The following IL1RAPL2 variants were observed in gnomAD, a reference collection of about 807,000 sequenced individuals.
IL1RAPL2 encodes interleukin 1 receptor accessory protein like 2.
Under a neutral mutation model 44.1 loss-of-function variants are expected in IL1RAPL2, and 3 were observed. That is an observed-to-expected ratio of 0.07 (90% confidence interval 0.03 to 0.18). The LOEUF (loss-of-function observed/expected upper bound fraction) is 0.18. IL1RAPL2 is among the 10% of genes least tolerant of loss of function. The pLI is 1.00. For synonymous variants in IL1RAPL2, 181 were observed against 178.8 expected (o/e 1.01, Z -0.10); for missense variants, 391 against 496.4 (o/e 0.79, Z 2.02).
chrX:105,399,012 G>A (rs779008863), intron 5 of IL1RAPL2, among the ~76,000 whole-genome samples: 3 of 111,888 alleles, frequency 2.7e-5, no homozygotes, highest in South Asian at 3.7e-4. Flanking sequence ...ATGGGTTCTT[G>A]TCTAAGTCTG....
intron 2 of IL1RAPL2, among the ~76,000 whole-genome samples, chrX:104,976,714 C>T (rs1346005914): frequency 9.1e-6 from 1 of 110,132 alleles, no homozygotes; most frequent in Non-Finnish European, 1.9e-5. Context: ...TGCCCGAAAC[C>T]TCAGAGTTTC....
At chrX:104,906,701 G>A (rs1349839882) in intron 2 of IL1RAPL2, among the ~76,000 whole-genome samples, 3 of 111,559 alleles carry the variant, frequency 2.7e-5, no homozygotes, top group African/African-American at 6.5e-5. Context: ...TGCTGGATTC[G>A]TTTTGCCAGT....
chrX:105,664,884 C>G (rs2037747063), intron 6 of IL1RAPL2, among the ~76,000 whole-genome samples: 1 of 111,754 alleles, frequency 8.9e-6, no homozygotes, highest in South Asian at 3.7e-4. Context: ...ACAATAAACT[C>G]CTGCTGGAGA....
intron 3 of IL1RAPL2, chrX:105,220,331 C>T (rs782723568): frequency 8.3e-7 from 1 of 1,208,441 alleles, no homozygotes; most frequent in Non-Finnish European, 1.1e-6. Context: ...GCCATTTTCT[C>T]GTTGATGAAG....
intron 2 of IL1RAPL2, among the ~76,000 whole-genome samples, chrX:104,714,081 C>T (rs12847203): frequency 1.8e-5 from 2 of 110,394 alleles, no homozygotes; most frequent in African/African-American, 6.6e-5. Flanking sequence ...GTTTGACTTC[C>T]TCTCTTTCTA....
intron 4 of IL1RAPL2, among the ~76,000 whole-genome samples, chrX:105,264,893 T>TA (rs202103760): frequency 1.5e-4 from 17 of 109,970 alleles, no homozygotes; most frequent in South Asian, 3.9e-4. Flanking sequence ...ATGCCACAGT[T>TA]AAAAAAAAAT....
At chrX:105,723,139 A>G (rs1042756833) in intron 7 of IL1RAPL2, among the ~76,000 whole-genome samples, 15 of 111,443 alleles carry the variant, frequency 1.3e-4, no homozygotes, top group Non-Finnish European at 2.3e-4. Context: ...TTGCTTAGCA[A>G]TTTCTTTCAC....
At chrX:105,392,747 G>A (rs973751316) in intron 5 of IL1RAPL2, among the ~76,000 whole-genome samples, 4 of 112,088 alleles carry the variant, frequency 3.6e-5, no homozygotes, top group African/African-American at 1.3e-4. Flanking sequence ...GGAGATATAT[G>A]TATAAATTTA....
chrX:105,439,308 T>C (rs1465870272), intron 5 of IL1RAPL2, among the ~76,000 whole-genome samples: 1 of 111,295 alleles, frequency 9.0e-6, no homozygotes, highest in Non-Finnish European at 1.9e-5. Context: ...TATTTATGAT[T>C]TACTTCCTTT....
At chrX:105,735,614 A>G (rs2038441234) in intron 7 of IL1RAPL2, among the ~76,000 whole-genome samples, 1 of 111,410 alleles carries the variant, frequency 9.0e-6, no homozygotes, top group Non-Finnish European at 1.9e-5. Flanking sequence ...AATTTTCTTA[A>G]GCATTTTTTG....
chrX:105,330,631 C>A (rs1319820602), intron 5 of IL1RAPL2, among the ~76,000 whole-genome samples: 1 of 111,574 alleles, frequency 9.0e-6, no homozygotes, highest in Non-Finnish European at 1.9e-5. Context: ...TCAGTACCAT[C>A]TACCTATACA....
intron 2 of IL1RAPL2, among the ~76,000 whole-genome samples, chrX:104,675,013 C>A (rs771279984): frequency 1.6e-4 from 18 of 110,526 alleles, no homozygotes; most frequent in African/African-American, 5.6e-4. Flanking sequence ...GTCTTGCTAG[C>A]GGTCTATCAA....
chrX:105,198,830 A>G (rs2147613881), intron 3 of IL1RAPL2, among the ~76,000 whole-genome samples: 1 of 111,744 alleles, frequency 8.9e-6, no homozygotes, highest in South Asian at 3.7e-4. Flanking sequence ...TCTCATGGTT[A>G]GACTGGGGTA....
In IL1RAPL2 at chrX:105,507,530, T is replaced by C. The variant is rs142567734; in HGVS notation, c.772+23143T>C. 5.7e-3 allele frequency among the ~76,000 whole-genome samples: 633 copies of C among 111,748 alleles called. 5 individuals carry two copies. The highest frequency in any genetic ancestry group is 0.019 in the African/African-American group (593 of 30,808). On this transcript the variant is annotated intron_variant, in intron 6 of 10. Transcript: ENST00000372582. ...GTGATTTAAAAGACTGTGCATAAGA[T>C]GATGCAGAAATGAATAATATAATGG... is the stretch of plus-strand genomic sequence containing the variant.
chrX:105,578,494 A>G (rs914738378), intron 6 of IL1RAPL2, among the ~76,000 whole-genome samples: 1 of 111,139 alleles, frequency 9.0e-6, no homozygotes, highest in African/African-American at 3.3e-5. Context: ...ATGGGATAGG[A>G]TTATTTACTT....
In IL1RAPL2 at chrX:104,865,806, G is replaced by A. The variant is rs749221075; in HGVS notation, c.82+206811G>A. 4.4e-5 allele frequency among the ~76,000 whole-genome samples: 5 copies of A among 112,738 alleles called. No individual in the cohort carries two copies. In the East Asian group the frequency reaches 1.4e-3, roughly 32 times the overall value. On this transcript the variant is annotated intron_variant, in intron 2 of 10. Transcript: ENST00000372582. ...ATTTGTCAGGTGCTCTCAGGCCTTC[G>A]GCCACAGACTGAAGGCTGCACTGTC...
intron 1 of IL1RAPL2, among the ~76,000 whole-genome samples, chrX:104,646,452 T>G (rs1206420477): frequency 1.8e-5 from 2 of 111,418 alleles, no homozygotes; most frequent in Non-Finnish European, 3.8e-5. Context: ...ATAGAGAATG[T>G]TGTATGCTGT....
intron 2 of IL1RAPL2, among the ~76,000 whole-genome samples, chrX:104,789,137 A>C (rs1387869206): frequency 2.7e-5 from 3 of 112,252 alleles, no homozygotes; most frequent in Non-Finnish European, 5.6e-5. Context: ...AATCTTTTTA[A>C]AAAATCATTT....
At chrX:104,759,324 C>G (rs1224080510) in intron 2 of IL1RAPL2, among the ~76,000 whole-genome samples, 1 of 111,799 alleles carries the variant, frequency 8.9e-6, no homozygotes, top group East Asian at 2.8e-4. Flanking sequence ...CATACTTGTT[C>G]TGATGGCAAC....
Sources: allele counts gnomAD v4.1 joint callset (sites outside exome capture counted in the v4.1 genomes callset), GRCh38; gene constraint gnomAD v4.1.1; transcripts MANE v1.5; gene names NCBI Gene and HGNC (gene_info 2026-07-23, HGNC 2026-07-21).